Variants in PLOD1 observed in about 807,000 individuals in gnomAD.
PLOD1 encodes lysine hydroxylase.
PLOD1 carries 70 observed loss-of-function variants against 94.7 expected under a neutral mutation model. That is an observed-to-expected ratio of 0.74 (90% confidence interval 0.61 to 0.90). The LOEUF (loss-of-function observed/expected upper bound fraction) is 0.90. PLOD1 is among the 40% of genes least tolerant of loss of function. The pLI is 0.00. For synonymous variants in PLOD1, 417 were observed against 400.2 expected, an observed-to-expected ratio of 1.04 and a Z score of -0.50; for missense variants, 905 against 972.7, an observed-to-expected ratio of 0.93 and a Z score of 0.93.
At chr1:11,950,256 C>A in intron 3 of PLOD1, 101 bp from the exon 4 acceptor site, 1 of 1,169,262 alleles carries the variant, frequency 8.6e-7, no homozygotes, top group East Asian at 2.4e-5. Flanking sequence ...GGGCAGAGGG[C>A]CATTTGTGGA....
At chr1:11,969,059 C>G (rs1206554015) in intron 16 of PLOD1, among the ~76,000 whole-genome samples, 2 of 138,468 alleles carry the variant, frequency 1.4e-5, no homozygotes, top group East Asian at 4.2e-4. Context: ...GAGTTTTGCT[C>G]GTCACCCAGG....
intron 6 of PLOD1, among the ~76,000 whole-genome samples, chr1:11,955,968 C>T (rs1028217946): frequency 4.6e-5 from 7 of 152,050 alleles, no homozygotes; most frequent in African/African-American, 1.4e-4. Flanking sequence ...CACTATGTTG[C>T]GCAGGCTTGT....
At chr1:11,945,142 G>T (rs990511064) in intron 1 of PLOD1, among the ~76,000 whole-genome samples, 1 of 152,222 alleles carries the variant, frequency 6.6e-6, no homozygotes, top group Non-Finnish European at 1.5e-5. Context: ...GACACAGGCC[G>T]GGTGTGGTGG....
intron 1 of PLOD1, among the ~76,000 whole-genome samples, chr1:11,943,709 C>G (rs954839340): frequency 2.6e-5 from 4 of 152,156 alleles, no homozygotes; most frequent in Admixed American, 2.0e-4. Context: ...GAGGGCACAG[C>G]TAGACAGCTC....
intron 16 of PLOD1, among the ~76,000 whole-genome samples, chr1:11,968,177 C>T (rs1569731553): frequency 6.6e-6 from 1 of 152,078 alleles, no homozygotes; most frequent in Non-Finnish European, 1.5e-5. Flanking sequence ...TGGTCTCAAA[C>T]TCCTGGCCTC....
intron 1 of PLOD1, among the ~76,000 whole-genome samples, chr1:11,935,924 G>A (rs1645575327): frequency 6.6e-6 from 1 of 151,288 alleles, no homozygotes; most frequent in Admixed American, 6.6e-5. Flanking sequence ...CGCCCGGCCG[G>A]TTCAAGCGAC....
chr1:11,950,296 G>A (rs780821094), intron 3 of PLOD1, 61 bp from the exon 4 acceptor site: 128 of 1,521,922 alleles, frequency 8.4e-5, no homozygotes, highest in Non-Finnish European at 1.1e-4. Flanking sequence ...TCCTGTCTGT[G>A]CCCTCACTGG....
rs541901674 is a variant in PLOD1, at chr1:11,963,529, C to T, written c.1098-3C>T. The T allele has an allele frequency of 3.3e-5, 53 of 1,587,824 alleles. No individual in the cohort carries two copies. Among genetic ancestry groups the T allele is most frequent in the Non-Finnish European group, 4.5e-5 (53 of 1,166,032 alleles). On this transcript the variant is annotated splice_region_variant and splice_polypyrimidine_tract_variant and intron_variant, in intron 10 of 18. Coordinates refer to ENST00000196061, the MANE Select transcript of PLOD1 (RefSeq NM_000302.4). This position sits in a 1 kb window ranked among gnomAD's most constrained non-coding sequence, Gnocchi z 4.3. ...CACTGACCCTGTGTCCTCCTCCTTGCAGAGACCTGTGCCGGCAGGACCGCA... is the reference window on the plus strand; with the variant it reads ...CACTGACCCTGTGTCCTCCTCCTTGTAGAGACCTGTGCCGGCAGGACCGCA...
chr1:11,966,123 G>A, intron 14 of PLOD1, 128 bp from the exon 15 acceptor site: 1 of 735,156 alleles, frequency 1.4e-6, no homozygotes, highest in Non-Finnish European at 2.5e-6. Flanking sequence ...CGCACCCAGT[G>A]GGTGCAGGTG....
chr1:11,959,306 G>A (rs183308898), intron 9 of PLOD1, among the ~76,000 whole-genome samples: 368 of 152,136 alleles, frequency 2.4e-3, no homozygotes, highest in Non-Finnish European at 4.0e-3. Flanking sequence ...GCTGACATGC[G>A]AAGTTCGTAA....
At chr1:11,943,731 TAGAG>T (rs1360578534) in intron 1 of PLOD1, among the ~76,000 whole-genome samples, 2 of 152,122 alleles carry the variant, frequency 1.3e-5, no homozygotes, top group Non-Finnish European at 2.9e-5. Flanking sequence ...CTTACATAGA[TAGAG>T]AGACAGGGCC....
chr1:11,966,456 G>C (rs1645818716), intron 15 of PLOD1, 140 bp downstream of exon 15: 2 of 353,450 alleles, frequency 5.7e-6, no homozygotes, highest in Non-Finnish European at 1.1e-5. Flanking sequence ...GGGGGCGGCA[G>C]GATGGGAGTT....
Position 11,972,553 on chromosome 1 carries a change from C to CCTTCCCTTTCATTTCTTCT in PLOD1, c.1903-290_1903-272dup, listed in dbSNP as rs1262147939. 1.1e-5 allele frequency: 4 copies of CCTTCCCTTTCATTTCTTCT among 349,056 alleles called. No individual in the cohort carries two copies. Among genetic ancestry groups the CCTTCCCTTTCATTTCTTCT allele is most frequent in the Admixed American group, 3.9e-5 (1 of 25,664 alleles). 21.6% of individuals were successfully genotyped at this position (349,056 alleles called of 1,614,324 possible). On this transcript the variant is annotated intron_variant, in intron 17 of 18. Coordinates refer to ENST00000196061, the MANE Select transcript of PLOD1 (RefSeq NM_000302.4). This position sits in a 1 kb window ranked among gnomAD's most constrained non-coding sequence, Gnocchi z 4.6. The stretch of plus-strand genomic sequence containing the variant: ...CAGGCGTGAGTACCATGTCCGGCCT[C>CCTTCCCTTTCATTTCTTCT]CTTCCCTTTCATTTCTTCTCTTCCC...
At chr1:11,939,661 G>T (rs1017004225) in intron 1 of PLOD1, among the ~76,000 whole-genome samples, 2 of 152,124 alleles carry the variant, frequency 1.3e-5, no homozygotes, top group African/African-American at 4.8e-5. Context: ...AGTCTGGAGT[G>T]AAATGGCATG....
At chr1:11,970,846 C>T (rs749130059) in intron 17 of PLOD1, 30 bp downstream of exon 17, 66 of 1,269,846 alleles carry the variant, frequency 5.2e-5, no homozygotes, top group Admixed American at 9.3e-5. Context: ...AGCCAGGATG[C>T]GGGGACAGTT....
intron 1 of PLOD1, chr1:11,944,573 T>TG (rs1645637140): frequency 7.4e-7 from 1 of 1,358,436 alleles, no homozygotes; most frequent in Non-Finnish European, 9.8e-7. Flanking sequence ...TCTCTTCACC[T>TG]GGGGAGAGAC....
chr1:11,969,104 C>A (rs899885949), intron 16 of PLOD1, among the ~76,000 whole-genome samples: 1 of 149,408 alleles, frequency 6.7e-6, no homozygotes, highest in Non-Finnish European at 1.5e-5. Flanking sequence ...CTCACTGCAA[C>A]CTCCGCCTGA....
At chr1:11,943,181 G>A (rs1442587376) in intron 1 of PLOD1, among the ~76,000 whole-genome samples, 1 of 152,014 alleles carries the variant, frequency 6.6e-6, no homozygotes, top group East Asian at 1.9e-4. Flanking sequence ...GTAAAGATGG[G>A]GTTTCACCAT....
At chr1:11,943,205 G>T (rs1325108261) in intron 1 of PLOD1, among the ~76,000 whole-genome samples, 2 of 151,722 alleles carry the variant, frequency 1.3e-5, no homozygotes, top group African/African-American at 4.8e-5. Flanking sequence ...GGCCAGGCTG[G>T]TCTTGAACTC....
Sources: gnomAD v4.1 joint callset for allele counts (sites outside exome capture counted in the v4.1 genomes callset) on GRCh38, gnomAD v4.1.1 for gene constraint, Gnocchi (gnomAD v3.1) non-coding constraint, MANE v1.5 for transcripts, NCBI Gene and HGNC (gene_info 2026-07-23, HGNC 2026-07-21) for gene names.